Variants in RUNX2 observed in about 807,000 individuals in gnomAD.
The protein encoded by RUNX2 is RUNX family transcription factor 2, also known as runt-related transcription factor 2.
RUNX2 carries 10 observed loss-of-function variants against 51.7 expected under a neutral mutation model. That is an observed-to-expected ratio of 0.19 (90% CI 0.12 to 0.33). RUNX2 has a LOEUF of 0.33. RUNX2 is among the 10% of genes least tolerant of loss of function. The pLI is 1.00. For synonymous variants in RUNX2, 276 were observed against 273.6 expected (o/e 1.01, Z -0.09); for missense variants, 562 against 691.3 (o/e 0.81, Z 2.10).
intron 5 of RUNX2, among the ~76,000 whole-genome samples, chr6:45,451,735 T>A (rs1395780911): frequency 6.6e-6 from 1 of 152,192 alleles, no homozygotes; most frequent in African/African-American, 2.4e-5. Context: ...ACTATAAGAA[T>A]TGTTAAATAG....
chr6:45,338,800 T>G (rs997415041), intron 2 of RUNX2, among the ~76,000 whole-genome samples: 1 of 152,092 alleles, frequency 6.6e-6, no homozygotes, highest in South Asian at 2.1e-4. Flanking sequence ...TTTCTCTGGA[T>G]GAGACAAGGG....
chr6:45,427,062 C>A (rs996693270), intron 3 of RUNX2, among the ~76,000 whole-genome samples: 4 of 152,050 alleles, frequency 2.6e-5, no homozygotes, highest in Non-Finnish European at 4.4e-5. Context: ...TGAAGACAGA[C>A]ACATTTTTGT....
At chr6:45,429,299 G>A (rs1418149626) in intron 3 of RUNX2, among the ~76,000 whole-genome samples, 1 of 152,084 alleles carries the variant, frequency 6.6e-6, no homozygotes, top group Non-Finnish European at 1.5e-5. Context: ...TATTTACTTT[G>A]ACATAGAAAG....
intron 2 of RUNX2, chr6:45,422,388 A>T (rs1033517186): frequency 2.4e-5 from 13 of 550,634 alleles, no homozygotes; most frequent in African/African-American, 7.9e-5. Context: ...CCGCATCGCC[A>T]GACTCTGTTG....
intron 7 of RUNX2, among the ~76,000 whole-genome samples, chr6:45,524,403 C>T (rs564840810): frequency 1.9e-3 from 285 of 152,178 alleles, no homozygotes; most frequent in Non-Finnish European, 3.4e-3. Flanking sequence ...AACTATGCAG[C>T]GAAGCATGGG....
chr6:45,545,833 G>A (rs536143277), intron 8 of RUNX2, among the ~76,000 whole-genome samples: 2 of 152,258 alleles, frequency 1.3e-5, no homozygotes, highest in South Asian at 2.1e-4. Flanking sequence ...CACATGAAAT[G>A]GTTTATAACG....
In RUNX2 at chr6:45,422,681, ACAGCAGCAGCAACAG is replaced by A. The variant is rs781355841; in HGVS notation, c.174_188del (p.Gln67_Gln71del). ...ACGTGAGCCCGGTGGTGGCTGCGCA[ACAGCAGCAGCAACAG>A]CAGCAGCAGCAACAGCAGCAGCAGC... On this transcript the variant is annotated inframe_deletion, in exon 3 of 9. Transcript: ENST00000647337. 274 of 1,602,446 alleles carry A rather than the reference ACAGCAGCAGCAACAG, an allele frequency of 1.7e-4. 1 individual carries two copies. The highest frequency in any genetic ancestry group is 1.1e-3 in the South Asian group (101 of 89,640).
intron 3 of RUNX2, among the ~76,000 whole-genome samples, chr6:45,430,420 C>T (rs2677101): frequency 0.45 from 68,579 of 151,924 alleles, 15,700 homozygotes; most frequent in South Asian, 0.61. Context: ...AGGAATGGAA[C>T]TGAGAAACAG....
intron 4 of RUNX2, among the ~76,000 whole-genome samples, chr6:45,433,110 C>G (rs1798589648): frequency 6.6e-6 from 1 of 152,068 alleles, no homozygotes; most frequent in African/African-American, 2.4e-5. Context: ...AGTTTACTTT[C>G]TAGGAACAGG....
intron 5 of RUNX2, among the ~76,000 whole-genome samples, chr6:45,439,685 ATG>A (rs1263689324): frequency 6.6e-6 from 1 of 150,834 alleles, no homozygotes; most frequent in African/African-American, 2.5e-5. Context: ...GTGTGTGTGT[ATG>A]TGTGTGTGTA....
chr6:45,523,239 G>T (rs1036198161), intron 7 of RUNX2, among the ~76,000 whole-genome samples: 11 of 152,192 alleles, frequency 7.2e-5, no homozygotes, highest in Middle Eastern at 6.8e-3. Context: ...ATAGAAAGGG[G>T]ACAGAGGAAC....
chr6:45,348,570 G>A (rs1791389573), intron 2 of RUNX2, among the ~76,000 whole-genome samples: 1 of 149,510 alleles, frequency 6.7e-6, no homozygotes, highest in African/African-American at 2.5e-5. Context: ...AGCTACTCAG[G>A]AGACTGAGGC....
intron 5 of RUNX2, among the ~76,000 whole-genome samples, chr6:45,488,245 A>G (rs1800342578): frequency 6.6e-6 from 1 of 152,216 alleles, no homozygotes; most frequent in Admixed American, 6.6e-5. Flanking sequence ...GGAGAAATCA[A>G]GGAAAATGTC....
At position 45,384,395 on chromosome 6, in the gene RUNX2, A is replaced by T. The variant is rs148309707; in HGVS notation, c.59-38198A>T. Reference sequence around the variant, plus strand: ...TACCTCCGGTGTTCAAGCTATTCTTATGTCTCAGCCTCCTGAGTAGCTGGG... The same window carrying T: ...TACCTCCGGTGTTCAAGCTATTCTTTTGTCTCAGCCTCCTGAGTAGCTGGG... On this transcript the variant is annotated intron_variant, in intron 2 of 8. Transcript: ENST00000647337. Among the ~76,000 whole-genome samples the T allele has an allele frequency of 6.6e-4, 101 of 151,898 alleles. 1 individual carries two copies. The highest frequency in any genetic ancestry group is 8.8e-5 in the Non-Finnish European group (6 of 67,942).
At chr6:45,515,119 C>G (rs2150424214) in intron 7 of RUNX2, among the ~76,000 whole-genome samples, 1 of 152,190 alleles carries the variant, frequency 6.6e-6, no homozygotes, top group African/African-American at 2.4e-5. Flanking sequence ...TTTTGAAATG[C>G]TTTCCAGAAC....
chr6:45,515,059 GCTAAAAATACTAACCT>G (rs1563119655), intron 7 of RUNX2, among the ~76,000 whole-genome samples: 2 of 151,938 alleles, frequency 1.3e-5, no homozygotes, highest in Admixed American at 6.6e-5. Flanking sequence ...AACGCGGACA[GCTAAAAATACTAACCT>G]CTATCCCTGT....
At chr6:45,499,193 G>C (rs766349505) in intron 6 of RUNX2, among the ~76,000 whole-genome samples, 33 of 152,150 alleles carry the variant, frequency 2.2e-4, no homozygotes, top group Admixed American at 2.6e-4. Flanking sequence ...TTTTTACTTT[G>C]GTGGTGCAGT....
intron 6 of RUNX2, among the ~76,000 whole-genome samples, chr6:45,510,192 G>A (rs750266110): frequency 5.3e-5 from 8 of 152,012 alleles, no homozygotes; most frequent in Admixed American, 2.6e-4. Flanking sequence ...CTACAATCTC[G>A]GCCTTGAGAA....
chr6:45,410,587 A>G (rs1304836927), intron 2 of RUNX2, among the ~76,000 whole-genome samples: 2 of 152,126 alleles, frequency 1.3e-5, no homozygotes, highest in Non-Finnish European at 2.9e-5. Flanking sequence ...AGGGGACACT[A>G]TTCACGTGGT....
Sources: gnomAD v4.1 joint callset for allele counts (sites outside exome capture counted in the v4.1 genomes callset) on GRCh38, gnomAD v4.1.1 for gene constraint, MANE v1.5 for transcripts, NCBI Gene and HGNC (gene_info 2026-07-23, HGNC 2026-07-21) for gene names.